PPP2R2C: variants seen among roughly 807,000 people sequenced by gnomAD.
The protein encoded by PPP2R2C is protein phosphatase 2 regulatory subunit Bgamma.
In PPP2R2C, 10 loss-of-function variants were observed where a neutral mutation model predicts 45.3. The observed-to-expected ratio is 0.22, with a 90% confidence interval of 0.14 to 0.37. PPP2R2C has a LOEUF of 0.37. Ranked by LOEUF, PPP2R2C falls within the 10% of genes least tolerant of loss-of-function variation. PPP2R2C has a pLI of 1.00. For synonymous variants in PPP2R2C, 257 were observed against 245.4 expected (o/e 1.05, Z -0.44); for missense variants, 308 against 619.7 (o/e 0.50, Z 5.34).
chr4:6,522,090 C>T (rs531551315), intron 2 of PPP2R2C, among the ~76,000 whole-genome samples: 8 of 152,196 alleles, frequency 5.3e-5, no homozygotes, highest in South Asian at 2.1e-4. Context: ...TGAAATGCAC[C>T]GCTCCTGCCT....
chr4:6,442,580 G>C (rs1360791365), intron 1 of PPP2R2C, among the ~76,000 whole-genome samples: 1 of 152,206 alleles, frequency 6.6e-6, no homozygotes, highest in Non-Finnish European at 1.5e-5. Flanking sequence ...CACCAGTGAT[G>C]ATTATGGGAA....
intron 1 of PPP2R2C, chr4:6,535,484 G>GC (rs1724576020): frequency 1.3e-6 from 1 of 750,374 alleles, no homozygotes; most frequent in Non-Finnish European, 2.1e-6. Flanking sequence ...GGCCGCCCTG[G>GC]CCGCCGCCCG....
At chr4:6,385,627 C>T (rs577190159) in intron 1 of PPP2R2C, among the ~76,000 whole-genome samples, 5 of 152,076 alleles carry the variant, frequency 3.3e-5, no homozygotes, top group Middle Eastern at 3.4e-3. Flanking sequence ...TGGAGTGCAG[C>T]GGTGCAATCT....
Position 6,432,867 on chromosome 4 carries a change from C to G in PPP2R2C, c.70+39293G>C, listed in dbSNP as rs201310827. On this transcript the variant is annotated intron_variant, in intron 1 of 8. Transcript: ENST00000382599. ...ACTTATACATGATTTTCTTTCGCCTCTGCTACCCCTGAGACTGCAAGACCA... is the reference window on the plus strand; with the variant it reads ...ACTTATACATGATTTTCTTTCGCCTGTGCTACCCCTGAGACTGCAAGACCA... 3.3e-5 allele frequency among the ~76,000 whole-genome samples: 5 copies of G among 152,288 alleles called. No homozygotes were observed. In the East Asian group the frequency reaches 9.7e-4, roughly 29 times the overall value.
rs570472092 is a variant in PPP2R2C at position 6,549,226 on chromosome 4, C to T, written c.-58-13849G>A. On this transcript the variant is annotated intron_variant, in intron 1 of 9. Transcript: ENST00000506140. ...ATGCCCCATACAGCAGGCAGACTGA[C>T]GCTGTAAAAATGGAAATTGGACCAC... Among the ~76,000 whole-genome samples, 411 of 152,248 alleles carry T rather than the reference C, an allele frequency of 2.7e-3. 2 individuals carry two copies. Among genetic ancestry groups the T allele is most frequent in the Non-Finnish European group, 4.8e-3 (328 of 68,010 alleles).
chr4:6,386,843 T>G (rs898302398), intron 1 of PPP2R2C, among the ~76,000 whole-genome samples: 1 of 152,052 alleles, frequency 6.6e-6, no homozygotes, highest in South Asian at 2.1e-4. Flanking sequence ...GTAAAGAAAA[T>G]TGGCTCATAC....
chr4:6,409,545 G>A (rs1718012768), intron 1 of PPP2R2C, among the ~76,000 whole-genome samples: 1 of 152,198 alleles, frequency 6.6e-6, no homozygotes, highest in Non-Finnish European at 1.5e-5. Flanking sequence ...ATGAGGAAGA[G>A]GACTGGAGGA....
At chr4:6,334,224 T>C (rs1042518471) in intron 6 of PPP2R2C, among the ~76,000 whole-genome samples, 1 of 152,210 alleles carries the variant, frequency 6.6e-6, no homozygotes, top group Non-Finnish European at 1.5e-5. Context: ...TGGGCAGGCA[T>C]GGCTGAGCCC....
At chr4:6,478,293 G>A (rs1722233114) in intron 2 of PPP2R2C, among the ~76,000 whole-genome samples, 1 of 152,226 alleles carries the variant, frequency 6.6e-6, no homozygotes, top group South Asian at 2.1e-4. Context: ...CTCCTTCTGT[G>A]CCTGGGGTAG....
chr4:6,423,519 T>G (rs1427515071), intron 1 of PPP2R2C, among the ~76,000 whole-genome samples: 1 of 152,290 alleles, frequency 6.6e-6, no homozygotes, highest in African/African-American at 2.4e-5. Flanking sequence ...TAGGGATATT[T>G]TGGAAACCAA....
At chr4:6,425,865 GGT>G (rs923248058) in intron 1 of PPP2R2C, among the ~76,000 whole-genome samples, 22 of 151,428 alleles carry the variant, frequency 1.5e-4, no homozygotes, top group Admixed American at 4.6e-4. Flanking sequence ...GTATGTGTGG[GGT>G]GTGTGTGTGT....
At chr4:6,437,924 T>C (rs150699797) in intron 1 of PPP2R2C, among the ~76,000 whole-genome samples, 294 of 152,298 alleles carry the variant, frequency 1.9e-3, no homozygotes, top group African/African-American at 6.7e-3. Context: ...AGGGAGGGGA[T>C]AGAAATATAT....
chr4:6,475,738 T>C (rs924749981), upstream of PPP2R2C, among the ~76,000 whole-genome samples: 3 of 152,206 alleles, frequency 2.0e-5, no homozygotes, highest in African/African-American at 7.2e-5. Context: ...AGGCTATGTC[T>C]CCCTGTGCTT....
rs558383024 is a variant in PPP2R2C, at chr4:6,499,519, A to G, written c.49+35752T>C. ...CACCCTCATTGGAAAGGGATTTTCAATGTGATGTTTTCCTCCCACATTCTT... is the reference window on the plus strand; with the variant it reads ...CACCCTCATTGGAAAGGGATTTTCAGTGTGATGTTTTCCTCCCACATTCTT... On this transcript the variant is annotated intron_variant, in intron 2 of 9. Coordinates refer to the PPP2R2C transcript ENST00000506140. Among the ~76,000 whole-genome samples, 9 of 152,252 alleles carry G rather than the reference A, an allele frequency of 5.9e-5. No individual in the cohort carries two copies. The East Asian group carries it at 1.5e-3, about 26-fold the overall frequency.
chr4:6,499,089 G>T (rs1722964245), intron 2 of PPP2R2C, among the ~76,000 whole-genome samples: 1 of 152,126 alleles, frequency 6.6e-6, no homozygotes, highest in African/African-American at 2.4e-5. Flanking sequence ...AAGGCAGATT[G>T]GGAGGGGAAA....
chr4:6,326,957 G>A, intron 8 of PPP2R2C, among the ~76,000 whole-genome samples: 1 of 152,246 alleles, frequency 6.6e-6, no homozygotes, highest in Non-Finnish European at 1.5e-5. Context: ...TGGTCTGCAA[G>A]GATGTGGGAA....
chr4:6,467,736 G>A (rs1351464345), intron 1 of PPP2R2C, among the ~76,000 whole-genome samples: 1 of 152,158 alleles, frequency 6.6e-6, no homozygotes, highest in Non-Finnish European at 1.5e-5. Context: ...AGTGCACAAC[G>A]AAAAGGAAAA....
rs537922999 is a variant in PPP2R2C, at chr4:6,428,297, C to T, written c.70+43863G>A. 8.6e-4 allele frequency among the ~76,000 whole-genome samples: 131 copies of T among 152,304 alleles called. 1 individual carries two copies. Among genetic ancestry groups the T allele is most frequent in the Admixed American group, 1.8e-3 (28 of 15,298 alleles). On this transcript the variant is annotated intron_variant, in intron 1 of 8. Coordinates refer to ENST00000382599, the MANE Select transcript of PPP2R2C (RefSeq NM_020416.4). The stretch of plus-strand genomic sequence containing the variant: ...TGGCTGTGTTTGGATCCTCTAACCC[C>T]GGCCTGGATGGACAGTGGTTAGAGC...
intron 1 of PPP2R2C, among the ~76,000 whole-genome samples, chr4:6,410,352 T>C (rs1171101968): frequency 6.6e-6 from 1 of 152,168 alleles, no homozygotes; most frequent in Non-Finnish European, 1.5e-5. Flanking sequence ...TCACCCATCA[T>C]GGACAAAGGG....
Sources: allele counts gnomAD v4.1 joint callset (sites outside exome capture counted in the v4.1 genomes callset), GRCh38; gene constraint gnomAD v4.1.1; transcripts MANE v1.5; gene names NCBI Gene and HGNC (gene_info 2026-07-23, HGNC 2026-07-21).